Variants in NRG3 observed in about 807,000 individuals in gnomAD.
NRG3 encodes neuregulin 3, also known as pro-neuregulin-3, membrane-bound isoform.
NRG3 carries 31 observed loss-of-function variants against 66.9 expected under a neutral mutation model. The ratio of observed to expected loss-of-function variants is 0.46; its 90% CI spans 0.35 to 0.63. The LOEUF (loss-of-function observed/expected upper bound fraction) is 0.63. NRG3 is among the 20% of genes least tolerant of loss of function. The pLI is 0.00. For synonymous variants in NRG3, 393 were observed against 359.4 expected (o/e 1.09, Z -1.06); for missense variants, 910 against 878.9 (o/e 1.04, Z -0.45).
chr10:82,519,124 G>A (rs1378069295), intron 2 of NRG3, among the ~76,000 whole-genome samples: 1 of 152,192 alleles, frequency 6.6e-6, no homozygotes, highest in African/African-American at 2.4e-5. Context: ...AACAGGTGGA[G>A]TTTACATGGC....
At chr10:82,132,494 T>TATATATGATATATATATATG (rs1554831211) in intron 1 of NRG3, among the ~76,000 whole-genome samples, 14 of 44,380 alleles carry the variant, frequency 3.2e-4, no homozygotes, top group Admixed American at 8.7e-4. Flanking sequence ...ATATATATGA[T>TATATATGATATATATATATG]ATATATATAT....
At chr10:81,985,906 A>T (rs370095897) in intron 1 of NRG3, among the ~76,000 whole-genome samples, 9 of 152,244 alleles carry the variant, frequency 5.9e-5, no homozygotes, top group African/African-American at 2.2e-4. Context: ...ATAAATCTGT[A>T]TCAGTCATTT....
intron 1 of NRG3, among the ~76,000 whole-genome samples, chr10:81,991,206 C>T (rs1002225431): frequency 9.9e-5 from 15 of 152,140 alleles, no homozygotes; most frequent in African/African-American, 3.4e-4. Flanking sequence ...TACATTGTTT[C>T]CAAGAATCAT....
In NRG3 at chr10:82,258,879, C is replaced by A. The variant is rs558971885; in HGVS notation, c.824-99860C>A. Among the ~76,000 whole-genome samples the A allele has an allele frequency of 7.9e-5, 12 of 152,244 alleles. No individual in the cohort carries two copies. In the South Asian group the frequency reaches 2.5e-3, roughly 32 times the overall value. ...TCACATCAACCATAACATAGGTCTT[C>A]CACTTTGAGAAAGATACGTATTTAA... On this transcript the variant is annotated intron_variant, in intron 1 of 8. Coordinates refer to ENST00000372141, the MANE Select transcript of NRG3 (RefSeq NM_001010848.4).
intron 2 of NRG3, among the ~76,000 whole-genome samples, chr10:82,690,655 C>T (rs1310503327): frequency 6.6e-6 from 1 of 152,116 alleles, no homozygotes; most frequent in Admixed American, 6.6e-5. Flanking sequence ...AACATGCCAT[C>T]TCCCCTTCAT....
intron 1 of NRG3, among the ~76,000 whole-genome samples, chr10:82,230,914 A>C (rs2076423295): frequency 6.6e-6 from 1 of 152,236 alleles, no homozygotes; most frequent in Admixed American, 6.5e-5. Flanking sequence ...CAAAGGCATA[A>C]AAATGTAGTA....
intron 1 of NRG3, among the ~76,000 whole-genome samples, chr10:82,045,953 C>A (rs1478238021): frequency 6.6e-6 from 1 of 151,344 alleles, no homozygotes; most frequent in Non-Finnish European, 1.5e-5. Flanking sequence ...CAGTACCATG[C>A]TGTTTTGGTT....
rs1458573369 is a variant in NRG3 at position 82,063,952 on chromosome 10, CTG to C, written c.823+187790_823+187791del. ...TTAGTTGTAGAGAGGGTTTACTGCC[CTG>C]ATGAATGACTGATCTGTATTTCTGA... On this transcript the variant is annotated intron_variant, in intron 1 of 8. Coordinates refer to ENST00000372141, the MANE Select transcript of NRG3 (RefSeq NM_001010848.4). Among the ~76,000 whole-genome samples the C allele has an allele frequency of 2.6e-5, 4 of 152,240 alleles. No individual in the cohort carries two copies. The East Asian group carries it at 7.7e-4, about 29-fold the overall frequency.
chr10:82,755,410 T>C (rs2059036917), intron 3 of NRG3, among the ~76,000 whole-genome samples: 1 of 152,132 alleles, frequency 6.6e-6, no homozygotes, highest in Non-Finnish European at 1.5e-5. Flanking sequence ...AATACTTCTT[T>C]TGAACACTTG....
chr10:82,959,096 C>A, intron 6 of NRG3, 21 bp downstream of exon 6: 1 of 1,574,014 alleles, frequency 6.4e-7, no homozygotes. Context: ...TGTCTACACA[C>A]CTCCTCCTAT....
intron 4 of NRG3, among the ~76,000 whole-genome samples, chr10:82,907,717 G>A (rs192940681): frequency 5.9e-5 from 9 of 152,190 alleles, no homozygotes; most frequent in Admixed American, 5.9e-4. Context: ...CAATACAGAA[G>A]GTTTTCCATT....
chr10:82,568,715 T>C (rs1321276216), intron 2 of NRG3, among the ~76,000 whole-genome samples: 1 of 151,844 alleles, frequency 6.6e-6, no homozygotes, highest in Non-Finnish European at 1.5e-5. Flanking sequence ...ATTTTTTCAT[T>C]TCTCAGTTCA....
At chr10:82,715,326 G>C (rs1030264249) in intron 2 of NRG3, among the ~76,000 whole-genome samples, 2 of 152,122 alleles carry the variant, frequency 1.3e-5, no homozygotes, top group Non-Finnish European at 2.9e-5. Flanking sequence ...TGAACCCGGA[G>C]GCAGAGGTTG....
chr10:82,573,633 A>G (rs1468199615), intron 2 of NRG3, among the ~76,000 whole-genome samples: 1 of 151,782 alleles, frequency 6.6e-6, no homozygotes, highest in Non-Finnish European at 1.5e-5. Context: ...TGTGCTGTGT[A>G]GTGCATAGGA....
chr10:82,193,464 G>A (rs939381113), intron 1 of NRG3, among the ~76,000 whole-genome samples: 1 of 151,770 alleles, frequency 6.6e-6, no homozygotes, highest in African/African-American at 2.4e-5. Flanking sequence ...TTTATAAAAA[G>A]TCTATTCTGA....
Position 82,362,340 on chromosome 10 carries a change from TG to T in NRG3, c.953+3473del, listed in dbSNP as rs1489079288. The stretch of plus-strand genomic sequence containing the variant: ...TATAATGTGTATATATATATGTGTG[TG>T]TGTGTGTGTGTGTGTGTGTGTGTGT... On this transcript the variant is annotated intron_variant, in intron 2 of 8. Coordinates refer to ENST00000372141, the MANE Select transcript of NRG3 (RefSeq NM_001010848.4). Among the ~76,000 whole-genome samples the T allele has an allele frequency of 5.8e-3, 383 of 66,210 alleles. 1 individual carries two copies. Among genetic ancestry groups the T allele is most frequent in the African/African-American group, 0.054 (347 of 6,426 alleles). 43.4% of individuals were successfully genotyped at this position (66,210 alleles called of 152,430 possible).
intron 8 of NRG3, among the ~76,000 whole-genome samples, chr10:82,980,683 C>A (rs568552448): frequency 3.9e-5 from 6 of 152,134 alleles, no homozygotes; most frequent in African/African-American, 1.4e-4. Flanking sequence ...AAATAAATGG[C>A]CGGTGGCTAG....
chr10:81,988,916 A>G (rs1183299785), intron 1 of NRG3, among the ~76,000 whole-genome samples: 1 of 151,374 alleles, frequency 6.6e-6, no homozygotes, highest in Non-Finnish European at 1.5e-5. Flanking sequence ...TTGTTGATGC[A>G]TAAGGAAAGG....
At chr10:81,925,689 G>A (rs1846700208) in intron 1 of NRG3, among the ~76,000 whole-genome samples, 1 of 152,012 alleles carries the variant, frequency 6.6e-6, no homozygotes, top group Non-Finnish European at 1.5e-5. Flanking sequence ...ACTGGTAGGA[G>A]CTTTAATGGC....
Sources: gnomAD v4.1 joint callset for allele counts (sites outside exome capture counted in the v4.1 genomes callset) on GRCh38, gnomAD v4.1.1 for gene constraint, MANE v1.5 for transcripts, NCBI Gene and HGNC (gene_info 2026-07-23, HGNC 2026-07-21) for gene names.